GOLM1: variants seen among roughly 807,000 people sequenced by gnomAD.
GOLM1 encodes the protein golgi membrane protein 1.
A neutral mutation model predicts 50.5 loss-of-function variants in GOLM1; 31 were observed. That is an observed-to-expected ratio of 0.61 (90% CI 0.46 to 0.83). The LOEUF (loss-of-function observed/expected upper bound fraction) is 0.83. Ranked by LOEUF, GOLM1 falls within the 40% of genes least tolerant of loss-of-function variation. GOLM1 has a pLI of 0.00. For missense variants in GOLM1, 491 were observed against 501.3 expected (o/e 0.98, Z 0.20); for synonymous variants, 178 against 192.8 (o/e 0.92, Z 0.64).
chr9:86,030,655 A>G (rs1181680732), intron 9 of GOLM1, among the ~76,000 whole-genome samples: 1 of 152,194 alleles, frequency 6.6e-6, no homozygotes, highest in Admixed American at 6.5e-5. Flanking sequence ...ATAATCCTGA[A>G]CCCAGAAAAA....
At position 86,030,202 on chromosome 9, in the gene GOLM1, G is replaced by A. The variant is rs1364937862; in HGVS notation, c.1130-2309C>T. Among the ~76,000 whole-genome samples, 3 of 114,822 alleles carry A rather than the reference G, an allele frequency of 2.6e-5. No homozygotes were observed. In the East Asian group the frequency reaches 7.6e-4, roughly 29 times the overall value. The allele number at this position is 114,822 out of a possible 152,430, so 75.3% of individuals were successfully genotyped here. ...CATTGCACTCCAGCCTGGGCAAGAA[G>A]AGTGAGACTCTGTCTCAAAAAAAAA... On this transcript the variant is annotated intron_variant, in intron 9 of 9. Coordinates refer to ENST00000388712, the MANE Select transcript of GOLM1 (RefSeq NM_016548.4).
chr9:86,069,602 C>T (rs574597527), intron 3 of GOLM1, among the ~76,000 whole-genome samples: 5 of 152,292 alleles, frequency 3.3e-5, no homozygotes, highest in African/African-American at 7.2e-5. Flanking sequence ...AGCCAGTGGA[C>T]GGATTCCTCC....
intron 3 of GOLM1, 63 bp from the exon 4 acceptor site, chr9:86,052,654 T>A: frequency 7.1e-7 from 1 of 1,412,668 alleles, no homozygotes; most frequent in Non-Finnish European, 1.0e-6. Flanking sequence ...CAGCCAGATG[T>A]GATACAAACC....
At chr9:86,063,641 C>T (rs1162729975) in intron 3 of GOLM1, among the ~76,000 whole-genome samples, 2 of 152,154 alleles carry the variant, frequency 1.3e-5, no homozygotes, top group African/African-American at 4.8e-5. Context: ...TCCCATCAAA[C>T]GCCTGTCTTG....
chr9:86,055,912 C>T (rs932438062), intron 3 of GOLM1, among the ~76,000 whole-genome samples: 1 of 152,148 alleles, frequency 6.6e-6, no homozygotes, highest in African/African-American at 2.4e-5. Context: ...CTGAAATTTC[C>T]ACCTTGCATC....
chr9:86,036,295 T>G, intron 7 of GOLM1, 53 bp downstream of exon 7: 8 of 1,592,524 alleles, frequency 5.0e-6, no homozygotes, highest in Non-Finnish European at 6.9e-6. Flanking sequence ...GACTGCTTCC[T>G]CTGATGGGGC....
chr9:86,093,375 CAA>C (rs34420567), intron 1 of GOLM1, among the ~76,000 whole-genome samples: 27 of 109,308 alleles, frequency 2.5e-4, no homozygotes, highest in African/African-American at 7.5e-4. Flanking sequence ...GATTCTGCCT[CAA>C]AAAAAAAAAA....
At chr9:86,036,738 C>CCTG in intron 6 of GOLM1, 1 of 540,908 alleles carries the variant, frequency 1.8e-6, no homozygotes, top group South Asian at 2.8e-5. Context: ...CAGAATAAAA[C>CCTG]TGGGCAGTGA....
At chr9:86,096,756 G>A (rs924259402) in intron 1 of GOLM1, among the ~76,000 whole-genome samples, 7 of 152,122 alleles carry the variant, frequency 4.6e-5, no homozygotes, top group African/African-American at 1.7e-4. Flanking sequence ...CCAGCCCTAT[G>A]TGTATATTGG....
chr9:86,085,748 T>C (rs1187022546), intron 1 of GOLM1, among the ~76,000 whole-genome samples: 9 of 152,314 alleles, frequency 5.9e-5, no homozygotes, highest in Non-Finnish European at 1.5e-5. Context: ...TTTCTGTTCC[T>C]GTGTTAGTTT....
At chr9:86,031,132 C>T (rs1832965901) in intron 9 of GOLM1, among the ~76,000 whole-genome samples, 1 of 152,026 alleles carries the variant, frequency 6.6e-6, no homozygotes, top group Non-Finnish European at 1.5e-5. Flanking sequence ...ATCGCTTGAA[C>T]CCGGGAGGCA....
At position 86,027,729 on chromosome 9, in the gene GOLM1, A is replaced by G; in HGVS notation, c.*88T>C. 4 of 1,516,728 alleles carry G rather than the reference A, an allele frequency of 2.6e-6. No individual in the cohort carries two copies. Among genetic ancestry groups the G allele is most frequent in the African/African-American group, 1.4e-5 (1 of 71,194 alleles). The allele number at this position is 1,516,728 out of a possible 1,614,324, so 94.0% of individuals were successfully genotyped here. On this transcript the variant is annotated 3_prime_UTR_variant, in exon 10 of 10. Coordinates refer to ENST00000388712, the MANE Select transcript of GOLM1 (RefSeq NM_016548.4). The stretch of plus-strand genomic sequence containing the variant: ...TTCAGATGTACATTTTATTTAGTAC[A>G]TTTCACAGTTTTCAGTATTCAGTCC...
At chr9:86,031,478 C>T (rs7870744) in intron 9 of GOLM1, among the ~76,000 whole-genome samples, 5,150 of 137,824 alleles carry the variant, frequency 0.037, 362 homozygotes, top group African/African-American at 0.14. Context: ...TTTTTTTCCC[C>T]GAGACGGAGT....
chr9:86,079,130 T>C (rs1563965644), intron 2 of GOLM1, 62 bp downstream of exon 2: 3 of 1,399,418 alleles, frequency 2.1e-6, no homozygotes, highest in South Asian at 1.5e-5. Context: ...TGGGACCCCA[T>C]CATAACAAAA....
chr9:86,088,244 C>A (rs925281387), intron 1 of GOLM1, among the ~76,000 whole-genome samples: 3 of 151,400 alleles, frequency 2.0e-5, no homozygotes, highest in Non-Finnish European at 4.4e-5. Context: ...TTTATAGTAT[C>A]CTCTGATTTT....
chr9:86,060,183 T>TA (rs1563959676), intron 3 of GOLM1, among the ~76,000 whole-genome samples: 1 of 152,118 alleles, frequency 6.6e-6, no homozygotes, highest in Non-Finnish European at 1.5e-5. Flanking sequence ...CAGCATATCT[T>TA]ACACTTGTAG....
chr9:86,070,565 C>T (rs906951776), intron 3 of GOLM1, among the ~76,000 whole-genome samples: 11 of 149,598 alleles, frequency 7.4e-5, no homozygotes, highest in Non-Finnish European at 1.2e-4. Context: ...AGCGAGACTC[C>T]ACCTCAAAAA....
chr9:86,088,046 T>C (rs1275572983), intron 1 of GOLM1, among the ~76,000 whole-genome samples: 2 of 152,118 alleles, frequency 1.3e-5, no homozygotes, highest in Admixed American at 6.5e-5. Context: ...CTGGTAGAAT[T>C]TGGCTGTGAT....
At chr9:86,041,019 G>A (rs890532027) in intron 5 of GOLM1, 151 bp from the exon 6 acceptor site, 13 of 623,490 alleles carry the variant, frequency 2.1e-5, no homozygotes, top group African/African-American at 2.0e-4. Context: ...ACACGGGTGT[G>A]TGTTCAACAA....
Sources: gnomAD v4.1 joint callset for allele counts (sites outside exome capture counted in the v4.1 genomes callset) on GRCh38, gnomAD v4.1.1 for gene constraint, MANE v1.5 for transcripts, NCBI Gene and HGNC (gene_info 2026-07-23, HGNC 2026-07-21) for gene names.